Variants in ARHGAP24 observed in about 807,000 individuals in gnomAD.
ARHGAP24 encodes the protein rho GTPase-activating protein 24.
A neutral mutation model predicts 76.4 loss-of-function variants in ARHGAP24; 50 were observed. The observed-to-expected ratio is 0.65, with a 90% CI of 0.52 to 0.83. The LOEUF is 0.83. Among genes scored for constraint, ARHGAP24 ranks in the 40% least tolerant of loss-of-function variants. The probability of loss-of-function intolerance (pLI) is 0.00; values close to 1 mark genes in which losing one functional copy is unlikely to be tolerated. For missense variants in ARHGAP24, 930 were observed against 914.2 expected, an observed-to-expected ratio of 1.02 and a Z score of -0.22; for synonymous variants, 345 against 323.3, an observed-to-expected ratio of 1.07 and a Z score of -0.72.
chr4:85,967,151 A>G (rs577326131), intron 5 of ARHGAP24, among the ~76,000 whole-genome samples: 15 of 152,244 alleles, frequency 9.9e-5, no homozygotes, highest in African/African-American at 3.4e-4. Flanking sequence ...CTAGATGATA[A>G]GTAGGACAGA....
chr4:85,630,626 G>C (rs1721128191), intron 2 of ARHGAP24, among the ~76,000 whole-genome samples: 1 of 152,162 alleles, frequency 6.6e-6, no homozygotes, highest in Admixed American at 6.5e-5. Context: ...GGGATGCCTA[G>C]AGACTGTGTC....
chr4:85,874,892 A>ATTTTATATAATTTATATATAATATAT (rs1560688219), intron 3 of ARHGAP24, among the ~76,000 whole-genome samples: 1 of 47,748 alleles, frequency 2.1e-5, no homozygotes, highest in Non-Finnish European at 4.1e-5. Context: ...ATATAAATAT[A>ATTTTATATAATTTATATATAATATAT]TTTTATATAA....
At chr4:85,941,570 C>T (rs760903168) in intron 4 of ARHGAP24, among the ~76,000 whole-genome samples, 3 of 152,056 alleles carry the variant, frequency 2.0e-5, no homozygotes, top group Non-Finnish European at 4.4e-5. Context: ...CTGGTTTTAT[C>T]ACCATGATTA....
chr4:85,899,564 A>T (rs776057712), intron 3 of ARHGAP24, among the ~76,000 whole-genome samples: 1 of 152,252 alleles, frequency 6.6e-6, no homozygotes, highest in Non-Finnish European at 1.5e-5. Flanking sequence ...ATGAAGTGAG[A>T]TTGCAATGCA....
intron 2 of ARHGAP24, among the ~76,000 whole-genome samples, chr4:85,625,717 T>C (rs1720923992): frequency 6.6e-6 from 1 of 152,220 alleles, no homozygotes; most frequent in South Asian, 2.1e-4. Context: ...AGTCTCTTTG[T>C]AGGTCACTAA....
intron 3 of ARHGAP24, among the ~76,000 whole-genome samples, chr4:85,841,623 A>G (rs1457967569): frequency 6.6e-6 from 1 of 152,176 alleles, no homozygotes; most frequent in Non-Finnish European, 1.5e-5. Flanking sequence ...TCTTTCTTCA[A>G]ATGACTTTGT....
chr4:85,965,166 G>A (rs961181545), intron 5 of ARHGAP24, among the ~76,000 whole-genome samples: 3 of 152,260 alleles, frequency 2.0e-5, no homozygotes, highest in South Asian at 2.1e-4. Flanking sequence ...CCACATGGCT[G>A]GGGAAGCCTC....
At chr4:85,570,815 G>C in intron 2 of ARHGAP24, 94 bp downstream of exon 2, 1 of 1,357,488 alleles carries the variant, frequency 7.4e-7, no homozygotes, top group Non-Finnish European at 1.0e-6. Flanking sequence ...ACCACCCAAA[G>C]CTCCCTGGTC....
At chr4:85,961,019 A>C (rs1455172458) in intron 5 of ARHGAP24, among the ~76,000 whole-genome samples, 2 of 152,132 alleles carry the variant, frequency 1.3e-5, no homozygotes, top group Non-Finnish European at 2.9e-5. Context: ...TTCTCAATAA[A>C]TTTGTTTCAT....
chr4:85,873,067 C>T (rs1732634513), intron 3 of ARHGAP24, among the ~76,000 whole-genome samples: 1 of 152,174 alleles, frequency 6.6e-6, no homozygotes, highest in Non-Finnish European at 1.5e-5. Context: ...TACAAAAAGG[C>T]TGCAGTGTGT....
chr4:85,637,476 A>G (rs1241617435), intron 2 of ARHGAP24, among the ~76,000 whole-genome samples: 2 of 152,104 alleles, frequency 1.3e-5, no homozygotes, highest in African/African-American at 2.4e-5. Context: ...AGTATTCTTC[A>G]ATAATAGATT....
At chr4:85,902,846 C>T (rs759512988) in intron 3 of ARHGAP24, among the ~76,000 whole-genome samples, 5 of 152,190 alleles carry the variant, frequency 3.3e-5, no homozygotes, top group South Asian at 2.1e-4. Context: ...TCAGGTGATC[C>T]GCCTGCCTTG....
intron 1 of ARHGAP24, among the ~76,000 whole-genome samples, chr4:85,544,689 T>TAC (rs1725835369): frequency 6.6e-6 from 1 of 151,956 alleles, no homozygotes; most frequent in South Asian, 2.1e-4. Context: ...TATATATATA[T>TAC]ACACACATAC....
intron 3 of ARHGAP24, among the ~76,000 whole-genome samples, chr4:85,771,476 G>A (rs986299210): frequency 6.6e-6 from 1 of 152,212 alleles, no homozygotes; most frequent in African/African-American, 2.4e-5. Context: ...CACTCACATA[G>A]GTGAGGGCCA....
intron 2 of ARHGAP24, among the ~76,000 whole-genome samples, chr4:85,696,686 A>G (rs1723878426): frequency 6.6e-6 from 1 of 152,236 alleles, no homozygotes; most frequent in African/African-American, 2.4e-5. Flanking sequence ...TCACAGACAT[A>G]ACATTCTTTC....
At chr4:85,919,403 G>C (rs969543106) in intron 3 of ARHGAP24, among the ~76,000 whole-genome samples, 1 of 152,132 alleles carries the variant, frequency 6.6e-6, no homozygotes, top group African/African-American at 2.4e-5. Context: ...TTTTAGTACA[G>C]AGTATCTAGT....
At chr4:85,856,032 G>A (rs574417594) in intron 3 of ARHGAP24, among the ~76,000 whole-genome samples, 1 of 152,282 alleles carries the variant, frequency 6.6e-6, no homozygotes, top group South Asian at 2.1e-4. Context: ...AAGAAATGTG[G>A]TAGCTGTTTT....
chr4:85,760,433 T>C (rs911374233), intron 3 of ARHGAP24, among the ~76,000 whole-genome samples: 3 of 152,238 alleles, frequency 2.0e-5, no homozygotes, highest in Middle Eastern at 3.2e-3. Context: ...TCTTTTTTAC[T>C]GCAATGGAAT....
intron 3 of ARHGAP24, among the ~76,000 whole-genome samples, chr4:85,894,865 G>A (rs1053654082): frequency 1.3e-5 from 2 of 150,724 alleles, no homozygotes; most frequent in Admixed American, 6.7e-5. Flanking sequence ...GGAGGCTGAG[G>A]CAGGAGAATC....
Sources: allele counts gnomAD v4.1 joint callset (sites outside exome capture counted in the v4.1 genomes callset), GRCh38; gene constraint gnomAD v4.1.1; transcripts MANE v1.5; gene names NCBI Gene and HGNC (gene_info 2026-07-23, HGNC 2026-07-21).